The following TRAPPC8 variants were observed in gnomAD, a reference collection of about 807,000 sequenced individuals.
TRAPPC8 encodes general sporulation gene 1 homolog.
A neutral mutation model predicts 174.3 loss-of-function variants in TRAPPC8; 54 were observed. That is an observed-to-expected ratio of 0.31 (90% CI 0.25 to 0.39). The LOEUF (loss-of-function observed/expected upper bound fraction) is 0.39. TRAPPC8 is among the 10% of genes least tolerant of loss of function. The pLI is 1.00. For synonymous variants in TRAPPC8, 630 were observed against 579.9 expected (o/e 1.09, Z -1.24); for missense variants, 1,531 against 1,699.1 (o/e 0.90, Z 1.74).
At chr18:31,837,132 C>T (rs1424346159) in intron 27 of TRAPPC8, among the ~76,000 whole-genome samples, 1 of 152,020 alleles carries the variant, frequency 6.6e-6, no homozygotes, top group Non-Finnish European at 1.5e-5. Context: ...AGGAACAAAG[C>T]ATGAGTACTG....
chr18:31,865,750 T>C (rs2145164566), intron 18 of TRAPPC8, among the ~76,000 whole-genome samples: 1 of 151,812 alleles, frequency 6.6e-6, no homozygotes, highest in Admixed American at 6.6e-5. Flanking sequence ...AAAAAGCTGT[T>C]AATATCCAGT....
chr18:31,873,908 C>T (rs748343787), intron 13 of TRAPPC8: 40 of 184,554 alleles, frequency 2.2e-4, no homozygotes, highest in Admixed American at 7.3e-4. Flanking sequence ...ATTTTCTGCA[C>T]GATAGATATA....
intron 11 of TRAPPC8, among the ~76,000 whole-genome samples, chr18:31,893,407 G>T (rs543273491): frequency 6.6e-6 from 1 of 151,684 alleles, no homozygotes; most frequent in Admixed American, 6.6e-5. Context: ...GTGTGTGCGC[G>T]CGCGCGTGTG....
intron 9 of TRAPPC8, 86 bp downstream of exon 9, chr18:31,907,374 C>T: frequency 7.5e-7 from 1 of 1,328,778 alleles, no homozygotes; most frequent in Non-Finnish European, 1.0e-6. Flanking sequence ...AACTTTATCC[C>T]TAAGGATTCT....
At chr18:31,867,072 C>A (rs2034622373) in intron 17 of TRAPPC8, 97 bp from the exon 18 acceptor site, 2 of 1,300,486 alleles carry the variant, frequency 1.5e-6, no homozygotes, top group Admixed American at 2.8e-5. Context: ...AAACTCATGA[C>A]CTAAACTTTT....
At chr18:31,852,879 A>G (rs1245873033) in intron 22 of TRAPPC8, 5 of 435,922 alleles carry the variant, frequency 1.1e-5, no homozygotes, top group Non-Finnish European at 2.1e-5. Context: ...GTGCACATGT[A>G]TATATATATA....
intron 19 of TRAPPC8, among the ~76,000 whole-genome samples, chr18:31,860,270 T>C (rs1253307219): frequency 6.6e-6 from 1 of 152,172 alleles, no homozygotes; most frequent in African/African-American, 2.4e-5. Flanking sequence ...AGTTGAATGA[T>C]ACATATATAT....
Position 31,869,235 on chromosome 18 carries a change from T to C in TRAPPC8, c.2388+1137A>G, listed in dbSNP as rs578037917. Among the ~76,000 whole-genome samples the C allele has an allele frequency of 4.0e-5, 6 of 151,312 alleles. No individual in the cohort carries two copies. In the South Asian group the frequency reaches 8.3e-4, roughly 21 times the overall value. ...ATAAAGGACTTATTAGACACGGAAA[T>C]GAAAAGAAAAAAATATAAATGAGGT... On this transcript the variant is annotated intron_variant, in intron 16 of 28. Transcript: ENST00000283351.
At chr18:31,910,891 GTTC>G (rs2036875733) in intron 5 of TRAPPC8, among the ~76,000 whole-genome samples, 1 of 151,972 alleles carries the variant, frequency 6.6e-6, no homozygotes, top group South Asian at 2.1e-4. Context: ...TTTCAGTACT[GTTC>G]TTATTCTTAG....
chr18:31,905,090 G>A (rs1421983926), intron 9 of TRAPPC8, among the ~76,000 whole-genome samples: 2 of 149,728 alleles, frequency 1.3e-5, no homozygotes, highest in African/African-American at 2.5e-5. Context: ...TATTTATTTT[G>A]CCTTTGTAGT....
intron 9 of TRAPPC8, among the ~76,000 whole-genome samples, chr18:31,906,235 G>A (rs2036008584): frequency 6.7e-6 from 1 of 148,746 alleles, no homozygotes; most frequent in Non-Finnish European, 1.5e-5. Context: ...CAGCTATTCA[G>A]GAAACTTAAG....
At chr18:31,855,409 A>T (rs1387758740) in intron 21 of TRAPPC8, among the ~76,000 whole-genome samples, 1 of 152,188 alleles carries the variant, frequency 6.6e-6, no homozygotes, top group Non-Finnish European at 1.5e-5. Flanking sequence ...TTTTAGAATG[A>T]ATTAATGGAA....
At chr18:31,886,444 C>CT (rs1312501992) in intron 12 of TRAPPC8, among the ~76,000 whole-genome samples, 1 of 150,138 alleles carries the variant, frequency 6.7e-6, no homozygotes, top group Non-Finnish European at 1.5e-5. Flanking sequence ...TTGAATGTGT[C>CT]TTGTGTGTTC....
In TRAPPC8 at chr18:31,931,358, G is replaced by A. The variant is rs749889932; in HGVS notation, c.323C>T (p.Thr108Ile). 3.7e-6 allele frequency: 6 copies of A among 1,601,990 alleles called. No individual in the cohort carries two copies. The highest frequency in any genetic ancestry group is 1.7e-5 in the Admixed American group (1 of 57,930). Residue 108 changes from threonine (T) to isoleucine (I), a missense_variant, in exon 2 of 29, where the codon ACA (threonine) becomes ATA (isoleucine). Thr to Ile is a moderately conservative substitution (Grantham distance 89). Transcript: ENST00000283351. Reference protein sequence around the residue: ...PAEGLVANVITAGDYDLNISA... With the variant: ...PAEGLVANVIIAGDYDLNISA... ...GATGTTAAGGTCATAATCTCCTGCT[G>A]TAATCACATTAGCTACTAATCCTTC...
At chr18:31,934,876 C>A (rs1448686178) in intron 1 of TRAPPC8, among the ~76,000 whole-genome samples, 1 of 151,598 alleles carries the variant, frequency 6.6e-6, no homozygotes, top group Non-Finnish European at 1.5e-5. Context: ...TACTGCACTC[C>A]AGCCTGGGCA....
chr18:31,875,284 T>C lies in TRAPPC8; in HGVS notation c.1729-580A>G, dbSNP rs187013245. Among the ~76,000 whole-genome samples the C allele has an allele frequency of 4.7e-4, 71 of 150,906 alleles. 1 individual carries two copies. In the East Asian group the frequency reaches 0.013, roughly 27 times the overall value. On this transcript the variant is annotated intron_variant, in intron 12 of 28. Transcript: ENST00000283351. ...CTTACATTGAATGTATGTGGCCACA[T>C]ATGCCACAGTTTTCCACAGTACAAA...
chr18:31,921,065 G>A (rs753529011), intron 2 of TRAPPC8, among the ~76,000 whole-genome samples: 1 of 151,766 alleles, frequency 6.6e-6, no homozygotes, highest in Non-Finnish European at 1.5e-5. Flanking sequence ...TACATTAGCA[G>A]CTGTAAAAGA....
At chr18:31,860,389 G>A (rs1206115926) in intron 19 of TRAPPC8, among the ~76,000 whole-genome samples, 1 of 151,730 alleles carries the variant, frequency 6.6e-6, no homozygotes, top group East Asian at 1.9e-4. Flanking sequence ...AAAGATTTAG[G>A]GGGAAAGATT....
rs140499046 is a variant in TRAPPC8, at chr18:31,896,695, G to A, written c.1596+1091C>T. On this transcript the variant is annotated intron_variant, in intron 11 of 28. Coordinates refer to ENST00000283351, the MANE Select transcript of TRAPPC8 (RefSeq NM_014939.5). Reference sequence around the variant, plus strand: ...GGCTGGAGTGCAGTGGTGCGATCTCGGCTCACTGCAACCTCCACCTTGTGC... The same window carrying A: ...GGCTGGAGTGCAGTGGTGCGATCTCAGCTCACTGCAACCTCCACCTTGTGC... Among the ~76,000 whole-genome samples the A allele has an allele frequency of 7.2e-3, 1,095 of 152,112 alleles. 15 individuals carry two copies. Among genetic ancestry groups the A allele is most frequent in the African/African-American group, 0.025 (1,045 of 41,498 alleles).
Sources: allele counts gnomAD v4.1 joint callset (sites outside exome capture counted in the v4.1 genomes callset), GRCh38; gene constraint gnomAD v4.1.1; transcripts MANE v1.5; gene names NCBI Gene and HGNC (gene_info 2026-07-23, HGNC 2026-07-21).